NRXN3: variants seen among roughly 807,000 people sequenced by gnomAD.
The protein encoded by NRXN3 is neurexin III.
Under a neutral mutation model 137.6 loss-of-function variants are expected in NRXN3, and 32 were observed. The observed-to-expected ratio is 0.23, with a 90% CI of 0.18 to 0.31. The LOEUF (loss-of-function observed/expected upper bound fraction) is 0.31, where lower values mean the gene tolerates loss of function less well. NRXN3 is among the 10% of genes least tolerant of loss of function. The pLI is 1.00. For missense variants in NRXN3, 1,574 were observed against 2,062.5 expected (o/e 0.76, Z 4.59); for synonymous variants, 798 against 784.5 (o/e 1.02, Z -0.29).
At chr14:78,196,991 G>A (rs1294432093) in intron 1 of NRXN3, among the ~76,000 whole-genome samples, 3 of 152,166 alleles carry the variant, frequency 2.0e-5, no homozygotes, top group African/African-American at 7.2e-5. Flanking sequence ...GGAGCTGGAG[G>A]ATGTTATGAC....
chr14:78,774,423 A>G (rs2098738604), intron 8 of NRXN3, among the ~76,000 whole-genome samples: 1 of 152,230 alleles, frequency 6.6e-6, no homozygotes, highest in South Asian at 2.1e-4. Context: ...TTTGAGGGGT[A>G]CCATGATTTC....
rs1003644931 is a variant in NRXN3 at position 79,524,485 on chromosome 14, A to G, written c.3444+57083A>G. On this transcript the variant is annotated intron_variant, in intron 16 of 20. Coordinates refer to ENST00000335750, the MANE Select transcript of NRXN3 (RefSeq NM_001330195.2). Reference sequence around the variant, plus strand: ...CAGGTACCTGAAATGGTTCTGGACAAAGGATATGATGATCGACAATAAAGA... The same window carrying G: ...CAGGTACCTGAAATGGTTCTGGACAGAGGATATGATGATCGACAATAAAGA... 2.6e-5 allele frequency among the ~76,000 whole-genome samples: 4 copies of G among 152,222 alleles called. No homozygotes were observed. The East Asian group carries it at 7.7e-4, about 29-fold the overall frequency.
chr14:79,222,153 G>T (rs1341654219), intron 15 of NRXN3, among the ~76,000 whole-genome samples: 2 of 152,262 alleles, frequency 1.3e-5, no homozygotes, highest in African/African-American at 4.8e-5. Flanking sequence ...TTTGGTTACT[G>T]TAGCCTTGTA....
chr14:79,608,705 C>T (rs946934894), intron 16 of NRXN3, among the ~76,000 whole-genome samples: 5 of 152,080 alleles, frequency 3.3e-5, no homozygotes, highest in Non-Finnish European at 2.9e-5. Flanking sequence ...AATATGTTAA[C>T]GAATTAAAAT....
At chr14:78,596,130 A>C (rs2097156246) in intron 4 of NRXN3, among the ~76,000 whole-genome samples, 2 of 152,206 alleles carry the variant, frequency 1.3e-5, no homozygotes, top group Non-Finnish European at 2.9e-5. Flanking sequence ...AAAGTCTTAC[A>C]GTGCTCACTG....
chr14:78,915,413 G>C (rs1039765603), intron 10 of NRXN3, among the ~76,000 whole-genome samples: 1 of 133,690 alleles, frequency 7.5e-6, no homozygotes, highest in Admixed American at 7.2e-5. Flanking sequence ...AAAACAGAGG[G>C]AACAAGAGTT....
At chr14:78,600,426 C>G (rs994846577) in intron 4 of NRXN3, among the ~76,000 whole-genome samples, 4 of 152,152 alleles carry the variant, frequency 2.6e-5, no homozygotes, top group Admixed American at 1.3e-4. Context: ...CATTTAATAC[C>G]GTTCCCAATG....
intron 14 of NRXN3, among the ~76,000 whole-genome samples, chr14:78,986,335 A>G (rs933893762): frequency 6.6e-6 from 1 of 152,166 alleles, no homozygotes; most frequent in Non-Finnish European, 1.5e-5. Flanking sequence ...GAATATTAAG[A>G]TATTTCCTGT....
At chr14:78,816,876 A>G (rs2098935159) in intron 10 of NRXN3, among the ~76,000 whole-genome samples, 1 of 152,138 alleles carries the variant, frequency 6.6e-6, no homozygotes, top group African/African-American at 2.4e-5. Context: ...GCTGTCACAT[A>G]TTTATTTCCC....
intron 16 of NRXN3, among the ~76,000 whole-genome samples, chr14:79,630,611 C>T (rs1225395845): frequency 6.6e-6 from 1 of 152,176 alleles, no homozygotes; most frequent in Non-Finnish European, 1.5e-5. Context: ...CTGGTAAGCA[C>T]TTTAGCCAGG....
intron 15 of NRXN3, among the ~76,000 whole-genome samples, chr14:79,084,887 A>G (rs1422009083): frequency 6.6e-6 from 1 of 152,188 alleles, no homozygotes; most frequent in African/African-American, 2.4e-5. Flanking sequence ...TGGGGTTGAT[A>G]GTGACATAGA....
chr14:78,172,120 G>C (rs1384446407), intron 1 of NRXN3, among the ~76,000 whole-genome samples: 3 of 152,120 alleles, frequency 2.0e-5, no homozygotes, highest in Non-Finnish European at 2.9e-5. Context: ...GGGAGGGAGA[G>C]GGGGCACTCC....
At chr14:79,451,526 G>T (rs2096172995) in intron 15 of NRXN3, among the ~76,000 whole-genome samples, 1 of 152,172 alleles carries the variant, frequency 6.6e-6, no homozygotes, top group Non-Finnish European at 1.5e-5. Context: ...GTCATCACTG[G>T]TTGTTACCAG....
rs991258709 is a variant in NRXN3 at position 79,545,928 on chromosome 14, G to T, written c.3444+78526G>T. On this transcript the variant is annotated intron_variant, in intron 16 of 20. Transcript: ENST00000335750. ...TTCCCATGTGTTGTGGGAGGGACCC[G>T]GTGGGAGGTAATTGAATCATGGGGG... Among the ~76,000 whole-genome samples the T allele has an allele frequency of 3.3e-5, 5 of 151,982 alleles. 1 individual carries two copies. The South Asian group carries it at 8.3e-4, about 25-fold the overall frequency.
chr14:79,740,710 T>TATATA (rs2098958360), intron 19 of NRXN3, among the ~76,000 whole-genome samples: 4 of 73,694 alleles, frequency 5.4e-5, no homozygotes, highest in African/African-American at 2.2e-4. Flanking sequence ...GCATTTAGTT[T>TATATA]TTTATATATA....
At chr14:78,236,831 T>C (rs1336324305) in intron 1 of NRXN3, among the ~76,000 whole-genome samples, 1 of 149,784 alleles carries the variant, frequency 6.7e-6, no homozygotes, top group Non-Finnish European at 1.5e-5. Flanking sequence ...TGTGCCTGCC[T>C]CCAAAGCCCA....
rs376694904 is a variant in NRXN3, at chr14:78,637,797, C to G, written c.758-7323C>G. Among the ~76,000 whole-genome samples, 8 of 152,280 alleles carry G rather than the reference C, an allele frequency of 5.3e-5. No homozygotes were observed. In the South Asian group the frequency reaches 8.3e-4, roughly 16 times the overall value. ...ATAGCAGGCATTCAAAATTTTTTAGCTTTACAATTTCTTTTTTTTGTAAAA... is the reference window on the plus strand; with the variant it reads ...ATAGCAGGCATTCAAAATTTTTTAGGTTTACAATTTCTTTTTTTTGTAAAA... On this transcript the variant is annotated intron_variant, in intron 4 of 20. Transcript: ENST00000335750.
intron 17 of NRXN3, among the ~76,000 whole-genome samples, chr14:79,676,902 G>C (rs1362586524): frequency 1.3e-5 from 2 of 151,958 alleles, no homozygotes; most frequent in African/African-American, 2.4e-5. Context: ...AAGAAAAGTG[G>C]TCACAGTTTT....
chr14:78,468,477 G>A (rs907901753), intron 4 of NRXN3, among the ~76,000 whole-genome samples: 5 of 152,142 alleles, frequency 3.3e-5, no homozygotes, highest in African/African-American at 4.8e-5. Context: ...TTGTTTTTAG[G>A]GTAGTCTGGA....
Sources: gnomAD v4.1 joint callset for allele counts (sites outside exome capture counted in the v4.1 genomes callset) on GRCh38, gnomAD v4.1.1 for gene constraint, MANE v1.5 for transcripts, NCBI Gene and HGNC (gene_info 2026-07-23, HGNC 2026-07-21) for gene names.